Variants in FAM163B observed in about 807,000 individuals in gnomAD.
FAM163B encodes protein FAM163B.
Under a neutral mutation model 7.6 loss-of-function variants are expected in FAM163B, and 4 were observed. The ratio of observed to expected loss-of-function variants is 0.52; its 90% CI spans 0.26 to 1.20. The LOEUF (loss-of-function observed/expected upper bound fraction) is 1.20, where lower values mean the gene tolerates loss of function less well. Among genes scored for constraint, FAM163B ranks in the 50% most tolerant of loss-of-function variants. The pLI is 0.14. For missense variants in FAM163B, 250 were observed against 243.0 expected, an observed-to-expected ratio of 1.03 and a Z score of -0.19; for synonymous variants, 120 against 111.6, an observed-to-expected ratio of 1.07 and a Z score of -0.47.
At position 133,606,319 on chromosome 9, in the gene FAM163B, C is replaced by A. The variant is rs1038968865; in HGVS notation, c.-24+2758G>T. ...CAAGGCCTGCGGGAGGATTCAGCAA[C>A]GGAGGGAGGGAGCTGGCAAACACTG... On this transcript the variant is annotated intron_variant, in intron 1 of 2. Coordinates refer to ENST00000673969, the MANE Select transcript of FAM163B (RefSeq NM_001080515.3). This position sits in a 1 kb window ranked among gnomAD's most constrained non-coding sequence, Gnocchi z 4.0. Among the ~76,000 whole-genome samples, 2 of 152,204 alleles carry A rather than the reference C, an allele frequency of 1.3e-5. No homozygotes were observed. The highest frequency in any genetic ancestry group is 4.8e-5 in the African/African-American group (2 of 41,454).
At chr9:133,589,725 C>T (rs1452256798) in intron 1 of FAM163B, among the ~76,000 whole-genome samples, 1 of 152,142 alleles carries the variant, frequency 6.6e-6, no homozygotes, top group Non-Finnish European at 1.5e-5. Context: ...GGGGTCTTGC[C>T]CTCGTGACCC....
At chr9:133,605,193 A>C (rs1831775249) in intron 1 of FAM163B, among the ~76,000 whole-genome samples, 1 of 152,216 alleles carries the variant, frequency 6.6e-6, no homozygotes, top group Admixed American at 6.5e-5. Flanking sequence ...CTCTTCTCCC[A>C]GTCTGCTGGC....
chr9:133,599,710 T>G (rs1209622982), intron 1 of FAM163B, among the ~76,000 whole-genome samples: 1 of 136,454 alleles, frequency 7.3e-6, no homozygotes, highest in Non-Finnish European at 1.6e-5. Flanking sequence ...TGTGCATGTG[T>G]GAGCATGTGC....
intron 1 of FAM163B, among the ~76,000 whole-genome samples, 153 bp downstream of exon 1, chr9:133,608,924 G>A (rs1831820798): frequency 6.6e-6 from 1 of 152,236 alleles, no homozygotes; most frequent in Non-Finnish European, 1.5e-5. Context: ...GGAAGCCAGG[G>A]GATGGGTGAC....
rs1383591941 is a variant in FAM163B at position 133,579,066 on chromosome 9, G to A, written c.457C>T (p.Arg153Trp). Residue 153 changes from arginine (R) to tryptophan (W), a missense_variant, in exon 3 of 3, where the codon CGG becomes TGG. Coordinates refer to ENST00000673969, the MANE Select transcript of FAM163B (RefSeq NM_001080515.3). The stretch of plus-strand genomic sequence containing the variant: ...CTGCGGCTCCTGGCGAAGGCCTCCC[G>A]CATGGCTGAGAGGCGGTTGGGGTTG... The part of the protein sequence containing the change: ...ALNPNRLSAM[R>W]EAFARSRSIS... 25 of 1,587,462 alleles carry A rather than the reference G, an allele frequency of 1.6e-5. No individual in the cohort carries two copies. Among genetic ancestry groups the A allele is most frequent in the Non-Finnish European group, 1.8e-5 (21 of 1,170,272 alleles).
chr9:133,582,362 G>T (rs2131217952), intron 1 of FAM163B, among the ~76,000 whole-genome samples: 1 of 152,268 alleles, frequency 6.6e-6, no homozygotes, highest in African/African-American at 2.4e-5. Context: ...GATTCTTTTT[G>T]ATGTTCAAAT....
intron 2 of FAM163B, 116 bp downstream of exon 2, chr9:133,580,015 C>A: frequency 1.2e-6 from 1 of 820,428 alleles, no homozygotes; most frequent in South Asian, 1.6e-5. Context: ...TGCCACAGGG[C>A]TCTTCCCCAC....
chr9:133,592,585 G>T (rs528290153), intron 1 of FAM163B, among the ~76,000 whole-genome samples: 1 of 152,266 alleles, frequency 6.6e-6, no homozygotes, highest in African/African-American at 2.4e-5. Flanking sequence ...TGCCCTCTCC[G>T]GCCAAGGGCC....
At chr9:133,586,486 C>G (rs994834896) in intron 1 of FAM163B, among the ~76,000 whole-genome samples, 4 of 152,200 alleles carry the variant, frequency 2.6e-5, no homozygotes, top group Non-Finnish European at 5.9e-5. Context: ...CCAGAAAGAG[C>G]ACAGGGACCA....
In FAM163B at chr9:133,601,595, C is replaced by T. The variant is rs62575397; in HGVS notation, c.-24+7482G>A. On this transcript the variant is annotated intron_variant, in intron 1 of 2. Coordinates refer to ENST00000673969, the MANE Select transcript of FAM163B (RefSeq NM_001080515.3). The surrounding 1 kb of genome is among the most constrained non-coding windows in gnomAD (Gnocchi z 4.1). ...GGGTCAGACGCAGCTACCCCCCGGACTGCTCCTACACGCTGGCTTGCTTCC... is the reference window on the plus strand; with the variant it reads ...GGGTCAGACGCAGCTACCCCCCGGATTGCTCCTACACGCTGGCTTGCTTCC... 0.066 allele frequency among the ~76,000 whole-genome samples: 9,987 copies of T among 152,316 alleles called. 477 individuals carry two copies. The highest frequency in any genetic ancestry group is 0.16 in the Admixed American group (2,396 of 15,308).
chr9:133,579,493 A>T, intron 2 of FAM163B, 64 bp from the exon 3 acceptor site: 1 of 1,493,788 alleles, frequency 6.7e-7, no homozygotes, highest in Non-Finnish European at 8.9e-7. Context: ...ACATGTGGGA[A>T]AGGCTACCCC....
chr9:133,580,012 G>A, intron 2 of FAM163B, 119 bp downstream of exon 2: 2 of 800,442 alleles, frequency 2.5e-6, no homozygotes, highest in Non-Finnish European at 4.1e-6. Context: ...CTCTGCCACA[G>A]GGCTCTTCCC....
At chr9:133,583,894 G>A (rs1465075010) in intron 1 of FAM163B, among the ~76,000 whole-genome samples, 9 of 152,192 alleles carry the variant, frequency 5.9e-5, no homozygotes, top group East Asian at 3.9e-4. Flanking sequence ...AGGCATGGCC[G>A]ACAGACACAC....
intron 1 of FAM163B, among the ~76,000 whole-genome samples, chr9:133,591,402 C>T (rs1037226996): frequency 6.6e-6 from 1 of 152,186 alleles, no homozygotes; most frequent in Non-Finnish European, 1.5e-5. Flanking sequence ...GGAGATGACA[C>T]CCACATTTTC....
chr9:133,599,036 G>A (rs572443269), intron 1 of FAM163B, among the ~76,000 whole-genome samples: 2 of 152,252 alleles, frequency 1.3e-5, no homozygotes, highest in South Asian at 2.1e-4. Context: ...CCCCTTCCCT[G>A]TGAGTGGCCC....
At chr9:133,607,985 G>A (rs1324146711) in intron 1 of FAM163B, among the ~76,000 whole-genome samples, 1 of 152,242 alleles carries the variant, frequency 6.6e-6, no homozygotes, top group Non-Finnish European at 1.5e-5. Context: ...ATAAGAGGGA[G>A]AAGGTGGGAA....
intron 1 of FAM163B, among the ~76,000 whole-genome samples, chr9:133,593,406 G>A (rs1831584637): frequency 6.6e-6 from 1 of 151,996 alleles, no homozygotes; most frequent in Non-Finnish European, 1.5e-5. Context: ...GCCACCCCCA[G>A]CCCAGGCCAC....
chr9:133,589,605 G>A (rs1304914325), intron 1 of FAM163B, among the ~76,000 whole-genome samples: 1 of 136,242 alleles, frequency 7.3e-6, no homozygotes. Context: ...CAGTCCTCCG[G>A]CCACCAGGGG....
At position 133,579,271 on chromosome 9, in the gene FAM163B, G is replaced by C; in HGVS notation, c.252C>G (p.Ser84=). The C allele has an allele frequency of 6.2e-7, 1 of 1,613,010 alleles. No homozygotes were observed. The highest frequency in any genetic ancestry group is 1.1e-5 in the South Asian group (1 of 91,008). Residue 84 remains serine, a synonymous_variant, in exon 3 of 3, where the codon TCC becomes TCG. Transcript: ENST00000673969. The part of the protein sequence containing the change: ...PTASTSFSQK[S]PQARALCRSC... ...TGCGGCAGAGGGCGCGGGCCTGCGG[G>C]GACTTCTGGCTGAAGGAGGTGGAGG...
Sources: gnomAD v4.1 joint callset for allele counts (sites outside exome capture counted in the v4.1 genomes callset) on GRCh38, gnomAD v4.1.1 for gene constraint, Gnocchi (gnomAD v3.1) non-coding constraint, MANE v1.5 for transcripts, NCBI Gene and HGNC (gene_info 2026-07-23, HGNC 2026-07-21) for gene names.